Variants in CDH22 observed in about 807,000 individuals in gnomAD.
The protein encoded by CDH22 is cadherin-22.
A neutral mutation model predicts 58.4 loss-of-function variants in CDH22; 30 were observed. The observed-to-expected ratio is 0.51, with a 90% CI of 0.38 to 0.70. The LOEUF (loss-of-function observed/expected upper bound fraction) is 0.70, where lower values mean the gene tolerates loss of function less well. CDH22 is among the 30% of genes least tolerant of loss of function. CDH22 has a pLI of 0.00. For missense variants in CDH22, 1,014 were observed against 1,233.9 expected (o/e 0.82, Z 2.67); for synonymous variants, 513 against 558.2 (o/e 0.92, Z 1.14).
At chr20:46,206,428 C>T (rs963520032) in intron 7 of CDH22, among the ~76,000 whole-genome samples, 5 of 152,222 alleles carry the variant, frequency 3.3e-5, no homozygotes, top group Admixed American at 2.0e-4. Flanking sequence ...TCTCTCTGTA[C>T]TGTCTGCTTT....
intron 2 of CDH22, among the ~76,000 whole-genome samples, chr20:46,244,824 C>T (rs2086317065): frequency 6.6e-6 from 1 of 152,224 alleles, no homozygotes; most frequent in African/African-American, 2.4e-5. Context: ...GTGCAGGCCA[C>T]AGTCATCGGT....
intron 4 of CDH22, among the ~76,000 whole-genome samples, chr20:46,223,599 T>C (rs186415459): frequency 1.3e-5 from 2 of 152,178 alleles, no homozygotes; most frequent in Non-Finnish European, 2.9e-5. Context: ...GAAAGGCCTG[T>C]TGTGATTTCT....
Position 46,257,537 on chromosome 20 carries a change from C to T in CDH22, c.-399-5844G>A, listed in dbSNP as rs370188817. ...GTGACCATGCCCTCAGCCTGGGCAG[C>T]GGCAATGATGGCGTTTCCTTTCATT... On this transcript the variant is annotated intron_variant, in intron 1 of 11. Transcript: ENST00000537909. Among the ~76,000 whole-genome samples, 26 of 152,174 alleles carry T rather than the reference C, an allele frequency of 1.7e-4. No individual in the cohort carries two copies. The East Asian group carries it at 2.5e-3, about 15-fold the overall frequency.
At chr20:46,229,418 C>T (rs1338952496) in intron 3 of CDH22, among the ~76,000 whole-genome samples, 1 of 152,046 alleles carries the variant, frequency 6.6e-6, no homozygotes, top group Non-Finnish European at 1.5e-5. Flanking sequence ...TTCTGGGAAG[C>T]AGTATCAGCA....
rs1025627491 is a variant in CDH22 at position 46,304,506 on chromosome 20, G to A, written c.-400+3749C>T. Among the ~76,000 whole-genome samples, 4 of 152,308 alleles carry A rather than the reference G, an allele frequency of 2.6e-5. No homozygotes were observed. In the South Asian group the frequency reaches 6.2e-4, roughly 24 times the overall value. On this transcript the variant is annotated intron_variant, in intron 1 of 11. Transcript: ENST00000537909. ...AGGCTGGTTGGACTCCAATGCCTAC[G>A]CGCTTAATCATCTATTTATATTATG...
intron 11 of CDH22, among the ~76,000 whole-genome samples, chr20:46,176,889 C>T (rs184849325): frequency 1.3e-3 from 193 of 152,352 alleles, no homozygotes; most frequent in African/African-American, 4.3e-3. Context: ...CGATTCCACC[C>T]GTCACCTTTA....
chr20:46,263,551 C>T (rs1052884238), intron 1 of CDH22, among the ~76,000 whole-genome samples: 1 of 152,094 alleles, frequency 6.6e-6, no homozygotes, highest in Non-Finnish European at 1.5e-5. Context: ...AAGGAGCCCC[C>T]ACATTTATAG....
chr20:46,200,226 G>A (rs569528869), intron 7 of CDH22, among the ~76,000 whole-genome samples: 1 of 152,122 alleles, frequency 6.6e-6, no homozygotes, highest in Admixed American at 6.5e-5. Flanking sequence ...TGCCCGCCTT[G>A]GCCTCCCAAA....
chr20:46,202,417 G>A (rs2085968033), intron 7 of CDH22, among the ~76,000 whole-genome samples: 3 of 150,650 alleles, frequency 2.0e-5, no homozygotes, highest in African/African-American at 2.5e-5. Context: ...GCAGTGGTGC[G>A]ATCTCGGCTC....
chr20:46,231,488 G>T (rs1304518171), intron 3 of CDH22, among the ~76,000 whole-genome samples: 2 of 152,172 alleles, frequency 1.3e-5, no homozygotes, highest in African/African-American at 4.8e-5. Context: ...TGATGCCCTA[G>T]ACTGAATCCC....
chr20:46,281,286 G>A (rs1687706739), intron 1 of CDH22, among the ~76,000 whole-genome samples: 1 of 152,214 alleles, frequency 6.6e-6, no homozygotes. Flanking sequence ...CAGTTCAGGT[G>A]ACAGATGGGG....
At chr20:46,260,445 G>A (rs957396559) in intron 1 of CDH22, among the ~76,000 whole-genome samples, 3 of 152,100 alleles carry the variant, frequency 2.0e-5, no homozygotes, top group Admixed American at 1.3e-4. Context: ...CTCCCTTTGG[G>A]GTTTGCTGTC....
rs1474904781 is a variant in CDH22, at chr20:46,210,263, C to T, written c.1286+44G>A. 7.3e-7 allele frequency: 1 copy of T among 1,365,574 alleles called. No individual in the cohort carries two copies. The highest frequency in any genetic ancestry group is 9.4e-7 in the Non-Finnish European group (1 of 1,064,456). The allele number at this position is 1,365,574 out of a possible 1,614,324, so 84.6% of individuals were successfully genotyped here. ...CGCAGTCTGTCCGCGGGGGTGATGG[C>T]GGGATAGCAGGCAGCAGGCGTCGGC... On this transcript the variant is annotated intron_variant, in intron 7 of 11. Transcript: ENST00000537909. The surrounding 1 kb of genome is among the most constrained non-coding windows in gnomAD (Gnocchi z 4.5).
chr20:46,187,622 C>G (rs2145656084), intron 8 of CDH22, among the ~76,000 whole-genome samples: 1 of 152,190 alleles, frequency 6.6e-6, no homozygotes, highest in South Asian at 2.1e-4. Context: ...ATCACCAATA[C>G]CACCACCATC....
chr20:46,213,134 C>T lies in CDH22; in HGVS notation c.893G>A (p.Arg298His), dbSNP rs375381361. The change falls in exon 6 of 12, where the codon CGT becomes CAT. Residue 298 changes from arginine to histidine, a missense_variant. Arg to His is a conservative substitution (Grantham distance 29, BLOSUM62 0). Transcript: ENST00000537909. ...CACGTCTGAGTCCTCAGCCTTCACACGTCCCACAGCCGTTCCAATGGGGGC... is the reference window on the plus strand; with the variant it reads ...CACGTCTGAGTCCTCAGCCTTCACATGTCCCACAGCCGTTCCAATGGGGGC... ...ESAPIGTAVG[R>H]VKAEDSDVGE... 3.3e-5 allele frequency: 53 copies of T among 1,614,070 alleles called. No individual in the cohort carries two copies. Among genetic ancestry groups the T allele is most frequent in the Non-Finnish European group, 4.1e-5 (48 of 1,180,024 alleles).
chr20:46,184,856 C>T (rs531632267), intron 10 of CDH22, among the ~76,000 whole-genome samples: 3 of 152,186 alleles, frequency 2.0e-5, no homozygotes, highest in East Asian at 1.9e-4. Flanking sequence ...TAGGCCGAGG[C>T]GGGCAGATCA....
At chr20:46,189,160 C>A (rs1792743638) in intron 8 of CDH22, among the ~76,000 whole-genome samples, 1 of 152,180 alleles carries the variant, frequency 6.6e-6, no homozygotes. Context: ...TTAATTAATT[C>A]AGACCCCAGC....
In CDH22 at chr20:46,216,800, C is replaced by A. The variant is rs375023260; in HGVS notation, c.838+26G>T. On this transcript the variant is annotated intron_variant, in intron 5 of 11. Transcript: ENST00000537909. This position sits in a 1 kb window ranked among gnomAD's most constrained non-coding sequence, Gnocchi z 5.3. ...GGTAACAGACAGACACACAGACGCGCCTTCCTCTGGGAAGGCCTCACTCAC... is the reference window on the plus strand; with the variant it reads ...GGTAACAGACAGACACACAGACGCGACTTCCTCTGGGAAGGCCTCACTCAC... The A allele has an allele frequency of 8.9e-6, 14 of 1,581,284 alleles. No individual in the cohort carries two copies. The highest frequency in any genetic ancestry group is 4.4e-5 in the South Asian group (4 of 90,066).
At position 46,174,980 on chromosome 20, in the gene CDH22, G is replaced by T; in HGVS notation, c.2013C>A (p.Asn671Lys). Residue 671 changes from asparagine (N) to lysine (K), a missense_variant, in exon 12 of 12, where the codon AAC (asparagine) becomes AAA (lysine). Transcript: ENST00000537909. The surrounding 1 kb of genome is among the most constrained non-coding windows in gnomAD (Gnocchi z 4.4). ...TGTCCTGCTCGCCGCCGCCTTCGTC[G>T]TTGTATTTGATGACGTTGTCCCGCA... ...EDMRDNVIKY[N>K]DEGGGEQDTE... 1 of 1,606,438 alleles carries T rather than the reference G, an allele frequency of 6.2e-7. No individual in the cohort carries two copies. Among genetic ancestry groups the T allele is most frequent in the Non-Finnish European group, 8.5e-7 (1 of 1,179,396 alleles).
Sources: allele counts gnomAD v4.1 joint callset (sites outside exome capture counted in the v4.1 genomes callset), GRCh38; gene constraint gnomAD v4.1.1; non-coding constraint Gnocchi (gnomAD v3.1); transcripts MANE v1.5; gene names NCBI Gene and HGNC (gene_info 2026-07-23, HGNC 2026-07-21).